TSHZ2: variants seen among roughly 807,000 people sequenced by gnomAD.
TSHZ2 encodes teashirt zinc finger homeobox 2.
In TSHZ2, 21 loss-of-function variants were observed where a neutral mutation model predicts 74.4. The observed-to-expected ratio is 0.28, with a 90% CI of 0.20 to 0.41. The LOEUF (loss-of-function observed/expected upper bound fraction) is 0.41, where lower values mean the gene tolerates loss of function less well. TSHZ2 is among the 10% of genes least tolerant of loss of function. The pLI is 1.00. For synonymous variants in TSHZ2, 540 were observed against 515.3 expected (o/e 1.05, Z -0.65); for missense variants, 1,244 against 1,293.5 (o/e 0.96, Z 0.59).
At chr20:53,135,317 A>T (rs1987217823) in intron 1 of TSHZ2, among the ~76,000 whole-genome samples, 1 of 151,044 alleles carries the variant, frequency 6.6e-6, no homozygotes, top group Non-Finnish European at 1.5e-5. Flanking sequence ...CTCCTACCCT[A>T]CTCCCGGTCA....
intron 2 of TSHZ2, among the ~76,000 whole-genome samples, chr20:53,259,243 C>A (rs1332067684): frequency 6.6e-6 from 1 of 152,204 alleles, no homozygotes; most frequent in African/African-American, 2.4e-5. Context: ...ATCAAGATTT[C>A]TTGGAAACTA....
chr20:53,243,812 T>G (rs1474714307), intron 1 of TSHZ2, among the ~76,000 whole-genome samples: 1 of 145,708 alleles, frequency 6.9e-6, no homozygotes, highest in African/African-American at 2.4e-5. Flanking sequence ...GTTTCTTGCT[T>G]GCTTGCTTGC....
chr20:53,111,463 C>G (rs1335722425), intron 1 of TSHZ2, among the ~76,000 whole-genome samples: 1 of 152,120 alleles, frequency 6.6e-6, no homozygotes, highest in African/African-American at 2.4e-5. Context: ...ACTGATAAAG[C>G]AGCCACCCTT....
At chr20:53,186,037 A>T (rs1044448789) in intron 1 of TSHZ2, among the ~76,000 whole-genome samples, 1 of 152,118 alleles carries the variant, frequency 6.6e-6, no homozygotes, top group Non-Finnish European at 1.5e-5. Context: ...AAACGCTTCC[A>T]ATGTCTCTCC....
intron 1 of TSHZ2, among the ~76,000 whole-genome samples, chr20:53,040,569 A>T: frequency 1.6e-5 from 2 of 121,624 alleles, no homozygotes; most frequent in Non-Finnish European, 3.4e-5. Flanking sequence ...CCGTCCCCCC[A>T]CCCATCATTG....
chr20:53,055,124 A>G (rs1436930245), intron 1 of TSHZ2, among the ~76,000 whole-genome samples: 1 of 152,188 alleles, frequency 6.6e-6, no homozygotes, highest in East Asian at 1.9e-4. Flanking sequence ...CTTGCTATTG[A>G]TGACAAAAAA....
chr20:53,434,552 G>A (rs1384035094), intron 2 of TSHZ2, among the ~76,000 whole-genome samples: 1 of 152,228 alleles, frequency 6.6e-6, no homozygotes, highest in Non-Finnish European at 1.5e-5. Context: ...AAGGCCACAT[G>A]TAGTCAAGAA....
chr20:53,210,823 A>C (rs1014552510), intron 1 of TSHZ2, among the ~76,000 whole-genome samples: 5 of 152,102 alleles, frequency 3.3e-5, no homozygotes, highest in Non-Finnish European at 7.4e-5. Context: ...AAGTGTGTGC[A>C]TATCCGTGTG....
rs141115348 is a variant in TSHZ2 at position 53,007,363 on chromosome 20, A to C, written c.40+34030A>C. 5.3e-4 allele frequency among the ~76,000 whole-genome samples: 80 copies of C among 152,330 alleles called. 1 individual carries two copies. Among genetic ancestry groups the C allele is most frequent in the Middle Eastern group, 3.4e-3 (1 of 294 alleles). The stretch of plus-strand genomic sequence containing the variant: ...TTCAGAAATCAGATGGACCAAACAC[A>C]TGAAAATGTTTGGTCATTTTAAAAA... On this transcript the variant is annotated intron_variant, in intron 1 of 2. Transcript: ENST00000371497.
chr20:53,039,781 AACACACACACAC>A (rs61356112), intron 1 of TSHZ2, among the ~76,000 whole-genome samples: 14 of 149,700 alleles, frequency 9.4e-5, no homozygotes, highest in African/African-American at 2.9e-4. Flanking sequence ...CTCCATCTCA[AACACACACACAC>A]ACACACACAC....
intron 1 of TSHZ2, among the ~76,000 whole-genome samples, chr20:53,100,695 C>T (rs562462350): frequency 7.2e-5 from 11 of 152,312 alleles, no homozygotes; most frequent in African/African-American, 2.6e-4. Flanking sequence ...GGTCCCACCC[C>T]CAACCCTTCT....
At chr20:53,167,003 C>T (rs1367731477) in intron 1 of TSHZ2, among the ~76,000 whole-genome samples, 1 of 152,122 alleles carries the variant, frequency 6.6e-6, no homozygotes, top group Non-Finnish European at 1.5e-5. Context: ...AGGAAGGTGA[C>T]ATATAGGCTG....
intron 2 of TSHZ2, among the ~76,000 whole-genome samples, chr20:53,403,902 C>T (rs1461873453): frequency 6.6e-6 from 1 of 152,200 alleles, no homozygotes; most frequent in African/African-American, 2.4e-5. Context: ...TTACTAACCA[C>T]AGCCGTGAGC....
At position 53,256,901 on chromosome 20, in the gene TSHZ2, T is replaced by C. The variant is rs555933368; in HGVS notation, c.*8+330T>C. On this transcript the variant is annotated intron_variant, in intron 2 of 2. Transcript: ENST00000371497. This position sits in a 1 kb window ranked among gnomAD's most constrained non-coding sequence, Gnocchi z 4.3. ...GTCCAGCCAAGGCTATCTTTCATTT[T>C]AATTATTAGATACTAACTTCTGTCA... 5.9e-5 allele frequency among the ~76,000 whole-genome samples: 9 copies of C among 152,236 alleles called. No individual in the cohort carries two copies. Among genetic ancestry groups the C allele is most frequent in the Non-Finnish European group, 1.3e-4 (9 of 68,048 alleles).
At chr20:53,396,287 G>A (rs987188362) in intron 2 of TSHZ2, among the ~76,000 whole-genome samples, 1 of 152,208 alleles carries the variant, frequency 6.6e-6, no homozygotes, top group Non-Finnish European at 1.5e-5. Flanking sequence ...TCACATGTAC[G>A]TATCGTGGTT....
chr20:52,984,938 C>A (rs1055546374), intron 1 of TSHZ2, among the ~76,000 whole-genome samples: 6 of 152,232 alleles, frequency 3.9e-5, no homozygotes, highest in African/African-American at 1.4e-4. Context: ...ATTCTGTCTT[C>A]TATTTTTCTC....
chr20:53,362,405 C>T (rs923407973), intron 2 of TSHZ2, among the ~76,000 whole-genome samples: 1 of 150,200 alleles, frequency 6.7e-6, no homozygotes, highest in Non-Finnish European at 1.5e-5. Flanking sequence ...AGGATGGTCT[C>T]AATCTCCTGA....
chr20:53,030,187 G>C (rs1983585160), intron 1 of TSHZ2, among the ~76,000 whole-genome samples: 2 of 152,064 alleles, frequency 1.3e-5, no homozygotes, highest in Non-Finnish European at 2.9e-5. Context: ...GCTAAGATTT[G>C]AACCCCGCCA....
At chr20:53,472,996 G>C (rs952787345) in intron 2 of TSHZ2, among the ~76,000 whole-genome samples, 1 of 151,902 alleles carries the variant, frequency 6.6e-6, no homozygotes, top group African/African-American at 2.4e-5. Flanking sequence ...CACCTGGCTG[G>C]GAGGGTCCTA....
Sources: gnomAD v4.1 joint callset for allele counts (sites outside exome capture counted in the v4.1 genomes callset) on GRCh38, gnomAD v4.1.1 for gene constraint, Gnocchi (gnomAD v3.1) non-coding constraint, MANE v1.5 for transcripts, NCBI Gene and HGNC (gene_info 2026-07-23, HGNC 2026-07-21) for gene names.